RLIM: variants seen among roughly 807,000 people sequenced by gnomAD.
RLIM encodes the protein E3 ubiquitin-protein ligase RLIM.
RLIM carries 2 observed loss-of-function variants against 34.0 expected under a neutral mutation model. The ratio of observed to expected loss-of-function variants is 0.06; its 90% CI spans 0.02 to 0.19. The LOEUF is 0.19. RLIM is among the 10% of genes least tolerant of loss of function. RLIM has a pLI of 1.00. For missense variants in RLIM, 286 were observed against 479.7 expected (o/e 0.60, Z 3.77); for synonymous variants, 169 against 164.0 (o/e 1.03, Z -0.23).
At chrX:74,605,914 G>A (rs951464763) in intron 1 of RLIM, among the ~76,000 whole-genome samples, 1 of 111,815 alleles carries the variant, frequency 8.9e-6, no homozygotes, top group African/African-American at 3.3e-5. Flanking sequence ...CTAGTAAGTG[G>A]GAAAGGGCCA....
At chrX:74,595,663 A>C in intron 2 of RLIM, 146 bp downstream of exon 2, 1 of 389,005 alleles carries the variant, frequency 2.6e-6, no homozygotes, top group East Asian at 4.1e-5. Context: ...TCAGGTAATA[A>C]ATACAGCAAT....
At chrX:74,605,392 ACT>A (rs2079678328) in intron 1 of RLIM, among the ~76,000 whole-genome samples, 1 of 112,272 alleles carries the variant, frequency 8.9e-6, no homozygotes, top group African/African-American at 3.2e-5. Flanking sequence ...AGAAAACCAT[ACT>A]CCAAATGATC....
chrX:74,594,541 G>A (rs762034936), intron 2 of RLIM, 152 bp from the exon 3 acceptor site: 5 of 368,511 alleles, frequency 1.4e-5, no homozygotes, highest in Admixed American at 5.4e-5. Context: ...GAAAAACCAA[G>A]GAGTAGGTAG....
rs1198056772 is a variant in RLIM at position 74,588,904 on chromosome X, G to C, written c.*2536C>G. 1 of 111,949 alleles carries C rather than the reference G, an allele frequency of 8.9e-6. No individual in the cohort carries two copies. Among genetic ancestry groups the C allele is most frequent in the Non-Finnish European group, 1.9e-5 (1 of 53,193 alleles). 9.2% of individuals were successfully genotyped at this position (111,949 alleles called of 1,213,427 possible). ...CATGTAATAATCACGGACATCGCAAGATTAAAAATTAAGTAGCAAATTCCA... is the reference window on the plus strand; with the variant it reads ...CATGTAATAATCACGGACATCGCAACATTAAAAATTAAGTAGCAAATTCCA... On this transcript the variant is annotated 3_prime_UTR_variant, in exon 4 of 4. Coordinates refer to ENST00000332687, the MANE Select transcript of RLIM (RefSeq NM_016120.4).
chrX:74,597,526 A>G lies in RLIM; in HGVS notation c.-23-1526T>C, dbSNP rs184195656. ...AGGTGAGAATATTTTCAAAGTTGAG[A>G]AAACTAATTCAGCAAAACCTGAAGC... On this transcript the variant is annotated intron_variant, in intron 1 of 3. Coordinates refer to ENST00000332687, the MANE Select transcript of RLIM (RefSeq NM_016120.4). 2.3e-3 allele frequency among the ~76,000 whole-genome samples: 255 copies of G among 112,165 alleles called. 1 individual carries two copies. The highest frequency in any genetic ancestry group is 6.7e-3 in the African/African-American group (208 of 30,915).
chrX:74,608,800 C>T (rs755631797), intron 1 of RLIM, among the ~76,000 whole-genome samples: 44 of 112,214 alleles, frequency 3.9e-4, no homozygotes, highest in African/African-American at 1.3e-3. Flanking sequence ...AATCAAAGGA[C>T]TGAAGACCAT....
At chrX:74,614,352 G>C (rs1209260231) in intron 1 of RLIM, 70 bp downstream of exon 1, 1 of 112,687 alleles carries the variant, frequency 8.9e-6, no homozygotes, top group Non-Finnish European at 1.9e-5. Flanking sequence ...AGAGAACGCG[G>C]CAGCCGCGGC....
chrX:74,594,442 T>C, intron 2 of RLIM, 53 bp from the exon 3 acceptor site: 2 of 789,038 alleles, frequency 2.5e-6, no homozygotes, highest in South Asian at 3.0e-5. Flanking sequence ...GACAATCAAA[T>C]ACTTTATCAG....
rs763343499 is a variant in RLIM, at chrX:74,591,926, GGAACTGGAACTC to G, written c.1377_1388del (p.Ser473_Ser476del). The G allele has an allele frequency of 2.5e-6, 3 of 1,200,435 alleles. No homozygotes were observed. The highest frequency in any genetic ancestry group is 3.0e-5 in the East Asian group (1 of 33,515). ...TTGAACTGGAACTGGAACTCGAACT[GGAACTGGAACTC>G]GAACTGGAACCAGAACTACTACCAC... On this transcript the variant is annotated inframe_deletion, in exon 4 of 4. Coordinates refer to ENST00000332687, the MANE Select transcript of RLIM (RefSeq NM_016120.4).
chrX:74,588,916 A>C lies in RLIM; in HGVS notation c.*2524T>G, dbSNP rs896352662. 5 of 112,302 alleles carry C rather than the reference A, an allele frequency of 4.5e-5. No homozygotes were observed. Among genetic ancestry groups the C allele is most frequent in the Non-Finnish European group, 9.4e-5 (5 of 53,297 alleles). 9.3% of individuals were successfully genotyped at this position (112,302 alleles called of 1,213,427 possible). A position where few individuals can be genotyped will look rare whatever the true frequency, so the allele number is the denominator to read the frequency against. On this transcript the variant is annotated 3_prime_UTR_variant, in exon 4 of 4. Transcript: ENST00000332687. ...ACGGACATCGCAAGATTAAAAATTA[A>C]GTAGCAAATTCCACTAAAACACTTG...
intron 1 of RLIM, among the ~76,000 whole-genome samples, chrX:74,600,594 A>G (rs1405216677): frequency 1.8e-5 from 2 of 111,901 alleles, no homozygotes; most frequent in Middle Eastern, 4.6e-3. Flanking sequence ...GGCTTGAAAA[A>G]TATAAATCTT....
At chrX:74,605,097 A>G (rs1385898848) in intron 1 of RLIM, among the ~76,000 whole-genome samples, 1 of 111,465 alleles carries the variant, frequency 9.0e-6, no homozygotes, top group African/African-American at 3.3e-5. Context: ...AGAGTAAGCT[A>G]TGGCTACAAT....
At chrX:74,599,887 C>T (rs964754329) in intron 1 of RLIM, among the ~76,000 whole-genome samples, 19 of 110,980 alleles carry the variant, frequency 1.7e-4, no homozygotes, top group African/African-American at 6.2e-4. Flanking sequence ...CCTGAAGTGC[C>T]GGAATGTTCA....
Position 74,585,022 on chromosome X carries a change from A to C in RLIM, c.*6418T>G, listed in dbSNP as rs749438295. Among the ~76,000 whole-genome samples the C allele has an allele frequency of 8.9e-6, 1 of 111,773 alleles. No individual in the cohort carries two copies. The highest frequency in any genetic ancestry group is 1.9e-5 in the Non-Finnish European group (1 of 53,252). ...GTGTCACAATGTGACGATTTACTTGAAACAAGGACATCTTAGTGGCTTAAG... is the reference window on the plus strand; with the variant it reads ...GTGTCACAATGTGACGATTTACTTGCAACAAGGACATCTTAGTGGCTTAAG... On this transcript the variant is annotated 3_prime_UTR_variant, in exon 4 of 4. Transcript: ENST00000332687.
chrX:74,593,184 AG>A, intron 3 of RLIM, 123 bp from the exon 4 acceptor site: 2 of 734,471 alleles, frequency 2.7e-6, no homozygotes, highest in Non-Finnish European at 3.8e-6. Flanking sequence ...TCATAATTAC[AG>A]ATTTTTACAA....
At position 74,584,696 on chromosome X, in the gene RLIM, C is replaced by T. The variant is rs1931303993; in HGVS notation, c.*6744G>A. On this transcript the variant is annotated 3_prime_UTR_variant, in exon 4 of 4. Transcript: ENST00000332687. ...GGCTCAAGTGATTCTACCACCTCAG[C>T]CTCCCAAGTAGCTGGGACCACAGCT... Among the ~76,000 whole-genome samples, 1 of 111,303 alleles carries T rather than the reference C, an allele frequency of 9.0e-6. No homozygotes were observed. The highest frequency in any genetic ancestry group is 9.6e-5 in the Admixed American group (1 of 10,418).
At chrX:74,608,556 G>C (rs1340428032) in intron 1 of RLIM, among the ~76,000 whole-genome samples, 1 of 111,218 alleles carries the variant, frequency 9.0e-6, no homozygotes, top group Non-Finnish European at 1.9e-5. Flanking sequence ...ATGCTACCAA[G>C]GTATCCCCCA....
intron 1 of RLIM, among the ~76,000 whole-genome samples, chrX:74,600,661 T>G (rs1427144251): frequency 1.8e-5 from 2 of 110,442 alleles, no homozygotes; most frequent in African/African-American, 6.6e-5. Context: ...ATGAACCAAA[T>G]AAAAGAGAAA....
chrX:74,602,050 T>C (rs2079663791), intron 1 of RLIM, among the ~76,000 whole-genome samples: 1 of 111,890 alleles, frequency 8.9e-6, no homozygotes, highest in Non-Finnish European at 1.9e-5. Context: ...AATGAACCAG[T>C]TGGATGAATC....
Sources: gnomAD v4.1 joint callset for allele counts (sites outside exome capture counted in the v4.1 genomes callset) on GRCh38, gnomAD v4.1.1 for gene constraint, MANE v1.5 for transcripts, NCBI Gene and HGNC (gene_info 2026-07-23, HGNC 2026-07-21) for gene names.